Variants in KAZN observed in about 807,000 individuals in gnomAD.
The protein encoded by KAZN is kazrin.
Under a neutral mutation model 87.4 loss-of-function variants are expected in KAZN, and 40 were observed. The ratio of observed to expected loss-of-function variants is 0.46; its 90% CI spans 0.36 to 0.60. The LOEUF (loss-of-function observed/expected upper bound fraction) is 0.60, where lower values mean the gene tolerates loss of function less well. Ranked by LOEUF, KAZN falls within the 20% of genes least tolerant of loss-of-function variation. The probability of loss-of-function intolerance (pLI) is 0.00; values close to 1 mark genes in which losing one functional copy is unlikely to be tolerated. For missense variants in KAZN, 898 were observed against 1,073.9 expected (o/e 0.84, Z 2.29); for synonymous variants, 466 against 458.3 (o/e 1.02, Z -0.22).
At chr1:14,455,488 G>A (rs10492983) in intron 2 of KAZN, among the ~76,000 whole-genome samples, 3,903 of 152,298 alleles carry the variant, frequency 0.026, 192 homozygotes, top group East Asian at 0.17. Flanking sequence ...CAGTGTTCCA[G>A]TGTTGTTTGC....
chr1:14,183,568 C>T, intron 2 of KAZN, among the ~76,000 whole-genome samples: 1 of 152,094 alleles, frequency 6.6e-6, no homozygotes, highest in East Asian at 1.9e-4. Flanking sequence ...ACTCAGCCTC[C>T]TAAGTGATTA....
chr1:14,885,446 T>C (rs538524993), intron 1 of KAZN, among the ~76,000 whole-genome samples: 1 of 152,312 alleles, frequency 6.6e-6, no homozygotes, highest in East Asian at 1.9e-4. Flanking sequence ...ATATCTCTGA[T>C]TCCTCCAACA....
intron 2 of KAZN, among the ~76,000 whole-genome samples, chr1:14,374,509 CTTA>C (rs772564066): frequency 4.6e-5 from 7 of 152,158 alleles, no homozygotes; most frequent in Non-Finnish European, 8.8e-5. Context: ...TGAGAACTCA[CTTA>C]TTATATCCAT....
intron 2 of KAZN, among the ~76,000 whole-genome samples, chr1:14,323,987 A>G (rs1656228387): frequency 6.6e-6 from 1 of 152,118 alleles, no homozygotes; most frequent in Non-Finnish European, 1.5e-5. Context: ...TCTATTTGCA[A>G]ACTGGCCAAC....
chr1:13,904,888 G>T (rs1352590459), intron 1 of KAZN, among the ~76,000 whole-genome samples: 2 of 151,990 alleles, frequency 1.3e-5, no homozygotes, highest in Non-Finnish European at 2.9e-5. Flanking sequence ...AAATTCCTTT[G>T]TGACTTGTGT....
At chr1:14,959,494 T>C (rs1455481764) in intron 1 of KAZN, among the ~76,000 whole-genome samples, 1 of 152,024 alleles carries the variant, frequency 6.6e-6, no homozygotes, top group Non-Finnish European at 1.5e-5. Context: ...CCCAGGTCCC[T>C]CTGAGATGTA....
chr1:13,938,193 T>G (rs1393069887), intron 1 of KAZN, among the ~76,000 whole-genome samples: 1 of 152,210 alleles, frequency 6.6e-6, no homozygotes, highest in Non-Finnish European at 1.5e-5. Flanking sequence ...TTGTGTCACC[T>G]ATGATGTCTT....
chr1:14,404,246 A>G (rs1375535223), intron 2 of KAZN, among the ~76,000 whole-genome samples: 4 of 152,184 alleles, frequency 2.6e-5, no homozygotes, highest in Non-Finnish European at 4.4e-5. Context: ...TCCATGTCGA[A>G]CATGCCTGAA....
At chr1:14,140,541 T>C (rs1161143281) in intron 1 of KAZN, among the ~76,000 whole-genome samples, 1 of 152,162 alleles carries the variant, frequency 6.6e-6, no homozygotes, top group Non-Finnish European at 1.5e-5. Flanking sequence ...ACCCCCCTTT[T>C]CGCTATCCCA....
intron 1 of KAZN, among the ~76,000 whole-genome samples, chr1:13,894,001 G>A (rs1638937059): frequency 6.6e-6 from 1 of 152,158 alleles, no homozygotes; most frequent in African/African-American, 2.4e-5. Flanking sequence ...TGAGTGAGGG[G>A]CCTTGTTTGT....
chr1:14,244,058 A>G (rs1051959646), intron 2 of KAZN, among the ~76,000 whole-genome samples: 3 of 152,246 alleles, frequency 2.0e-5, no homozygotes, highest in Non-Finnish European at 4.4e-5. Context: ...AGAAACAACA[A>G]TTAAACAGAG....
At chr1:14,791,507 C>T (rs1052194964) in intron 1 of KAZN, among the ~76,000 whole-genome samples, 3 of 152,242 alleles carry the variant, frequency 2.0e-5, no homozygotes, top group Non-Finnish European at 2.9e-5. Context: ...TTCTGCGTGA[C>T]TTGCAAGCCC....
chr1:14,106,909 A>T (rs1262894636), intron 1 of KAZN, among the ~76,000 whole-genome samples: 1 of 151,172 alleles, frequency 6.6e-6, no homozygotes, highest in African/African-American at 2.4e-5. Context: ...CCAGGTTTCC[A>T]TTGATACACT....
chr1:14,055,879 A>G (rs77532820), intron 1 of KAZN, among the ~76,000 whole-genome samples: 8,070 of 152,196 alleles, frequency 0.053, 575 homozygotes, highest in African/African-American at 0.16. Flanking sequence ...AAATGTCTCA[A>G]TGTCTGGGGG....
chr1:14,134,261 TA>T (rs754484711), intron 1 of KAZN, among the ~76,000 whole-genome samples: 1 of 152,060 alleles, frequency 6.6e-6, no homozygotes, highest in Non-Finnish European at 1.5e-5. Flanking sequence ...ACTATATGGT[TA>T]AAAAAAACCA....
At chr1:14,419,615 G>A (rs975309204) in intron 2 of KAZN, among the ~76,000 whole-genome samples, 7 of 152,362 alleles carry the variant, frequency 4.6e-5, no homozygotes, top group Middle Eastern at 3.4e-3. Flanking sequence ...GTTCTTAAAG[G>A]TAGTGTGTCC....
intron 2 of KAZN, among the ~76,000 whole-genome samples, chr1:14,540,863 TA>T (rs1672768562): frequency 6.6e-6 from 1 of 152,202 alleles, no homozygotes; most frequent in Non-Finnish European, 1.5e-5. Context: ...TATATATCCA[TA>T]AATGCATGCA....
At chr1:14,929,911 T>C in intron 1 of KAZN, 1 of 985,448 alleles carries the variant, frequency 1.0e-6, no homozygotes, top group Non-Finnish European at 1.2e-6. Context: ...GCTTTTTGGA[T>C]GCCTTCAAGA....
At position 15,104,172 on chromosome 1, in the gene KAZN, C is replaced by T. The variant is rs747483126; in HGVS notation, c.2031C>T (p.Ala677=). 5.0e-6 allele frequency: 8 copies of T among 1,587,124 alleles called. No individual in the cohort carries two copies. The highest frequency in any genetic ancestry group is 2.3e-5 in the South Asian group (2 of 86,698). ...GACACCTGGCAGAGGAGATGAGCGC[C>T]GTCTTCCACCCAGCCAAGTGAGCAC... is the stretch of plus-strand genomic sequence containing the variant. ...LRRHLAEEMS[A]VFHPANSTGI... The change falls in exon 13 of 15, where the codon GCC becomes GCT. Residue 677 remains alanine (A), a synonymous_variant. Coordinates refer to ENST00000376030, the MANE Select transcript of KAZN (RefSeq NM_201628.3).
Sources: gnomAD v4.1 joint callset for allele counts (sites outside exome capture counted in the v4.1 genomes callset) on GRCh38, gnomAD v4.1.1 for gene constraint, MANE v1.5 for transcripts, NCBI Gene and HGNC (gene_info 2026-07-23, HGNC 2026-07-21) for gene names.